LGR6: variants seen among roughly 807,000 people sequenced by gnomAD.
The protein encoded by LGR6 is leucine-rich repeat-containing G protein-coupled receptor 6.
In LGR6, 45 loss-of-function variants were observed where a neutral mutation model predicts 69.4. The ratio of observed to expected loss-of-function variants is 0.65; its 90% CI spans 0.51 to 0.83. LGR6 has a LOEUF of 0.83. Among genes scored for constraint, LGR6 ranks in the 40% least tolerant of loss-of-function variants. LGR6 has a pLI of 0.00. For missense variants in LGR6, 1,108 were observed against 1,246.7 expected, an observed-to-expected ratio of 0.89 and a Z score of 1.68; for synonymous variants, 538 against 555.0, an observed-to-expected ratio of 0.97 and a Z score of 0.43.
Position 202,312,845 on chromosome 1 carries a change from C to G in LGR6, c.1568-1957C>G, listed in dbSNP as rs570289657. Among the ~76,000 whole-genome samples, 32 of 152,164 alleles carry G rather than the reference C, an allele frequency of 2.1e-4. 1 individual carries two copies. Among genetic ancestry groups the G allele is most frequent in the African/African-American group, 7.0e-4 (29 of 41,492 alleles). The stretch of plus-strand genomic sequence containing the variant: ...TGTTCTAGATTCTCATTTCAAAATT[C>G]GTATAGAATTTGTGGACCTCCAGCA... On this transcript the variant is annotated intron_variant, in intron 16 of 17. Transcript: ENST00000367278.
At chr1:202,248,299 G>A (rs1424615456) in intron 4 of LGR6, among the ~76,000 whole-genome samples, 7 of 152,334 alleles carry the variant, frequency 4.6e-5, no homozygotes, top group African/African-American at 1.4e-4. Flanking sequence ...GTGTCGCCCA[G>A]TGAATCAGTG....
intron 1 of LGR6, among the ~76,000 whole-genome samples, chr1:202,213,446 A>G (rs1465444659): frequency 6.6e-6 from 1 of 152,174 alleles, no homozygotes; most frequent in Admixed American, 6.5e-5. Context: ...GCCAGAGATC[A>G]GAAGATCAAA....
chr1:202,247,771 G>T (rs757408912), intron 4 of LGR6, among the ~76,000 whole-genome samples: 34 of 152,164 alleles, frequency 2.2e-4, no homozygotes, highest in Non-Finnish European at 4.0e-4. Context: ...AGTGTATGAC[G>T]ATCTCACTCT....
At chr1:202,287,940 A>T (rs932310398) in intron 6 of LGR6, among the ~76,000 whole-genome samples, 2 of 152,078 alleles carry the variant, frequency 1.3e-5, no homozygotes, top group African/African-American at 4.8e-5. Flanking sequence ...CTATTTTAAT[A>T]TACAAATCAG....
chr1:202,293,503 G>T (rs1666940069), intron 6 of LGR6, among the ~76,000 whole-genome samples: 2 of 147,300 alleles, frequency 1.4e-5, no homozygotes, highest in African/African-American at 5.0e-5. Context: ...ATAGGAGTGG[G>T]TTTTTTTTTT....
chr1:202,205,871 AC>A (rs1433271762), intron 1 of LGR6, among the ~76,000 whole-genome samples: 1 of 147,906 alleles, frequency 6.8e-6, no homozygotes, highest in African/African-American at 2.5e-5. Context: ...CTTCAAACAC[AC>A]ACCCGTCCTT....
At chr1:202,262,899 G>A (rs190053584) in intron 4 of LGR6, among the ~76,000 whole-genome samples, 125 of 151,934 alleles carry the variant, frequency 8.2e-4, no homozygotes, top group Non-Finnish European at 1.5e-3. Flanking sequence ...ATCTCACCTA[G>A]TTCCATTTAC....
chr1:202,204,586 TCCTTCAAACACACACA>T (rs1222250686), intron 1 of LGR6, among the ~76,000 whole-genome samples: 78 of 76,400 alleles, frequency 1.0e-3, no homozygotes, highest in Non-Finnish European at 1.6e-3. Flanking sequence ...AACACACACC[TCCTTCAAACACACACA>T]CCTCCAAACA....
intron 6 of LGR6, among the ~76,000 whole-genome samples, chr1:202,281,758 C>T (rs1666023056): frequency 6.6e-6 from 1 of 152,002 alleles, no homozygotes; most frequent in Non-Finnish European, 1.5e-5. Context: ...CCACTTGCTC[C>T]ACCTTGCCCT....
intron 6 of LGR6, chr1:202,281,092 G>T (rs1302393225): frequency 2.1e-6 from 1 of 477,402 alleles, no homozygotes; most frequent in Non-Finnish European, 3.7e-6. Flanking sequence ...GGCCCAGGGA[G>T]TAGGAACCTG....
intron 6 of LGR6, among the ~76,000 whole-genome samples, chr1:202,283,218 C>G (rs368397944): frequency 3.9e-5 from 6 of 152,156 alleles, no homozygotes; most frequent in Non-Finnish European, 8.8e-5. Context: ...AACAATACCC[C>G]CTTCTTCCTG....
At chr1:202,225,074 A>G (rs1660416820) in intron 1 of LGR6, among the ~76,000 whole-genome samples, 2 of 152,182 alleles carry the variant, frequency 1.3e-5, no homozygotes, top group Non-Finnish European at 2.9e-5. Context: ...CTGAAATTCT[A>G]TGAATTTTAC....
chr1:202,254,916 G>A (rs938226798), intron 4 of LGR6, among the ~76,000 whole-genome samples: 1 of 151,538 alleles, frequency 6.6e-6, no homozygotes, highest in Non-Finnish European at 1.5e-5. Flanking sequence ...AAAAAAAAAA[G>A]GAAAGAGAAA....
intron 6 of LGR6, among the ~76,000 whole-genome samples, chr1:202,295,379 T>C (rs1326726477): frequency 6.6e-6 from 1 of 150,676 alleles, no homozygotes; most frequent in Non-Finnish European, 1.5e-5. Flanking sequence ...TTCCATGTCA[T>C]TTATGGGAAA....
At chr1:202,281,757 C>G (rs747326427) in intron 6 of LGR6, among the ~76,000 whole-genome samples, 2 of 152,006 alleles carry the variant, frequency 1.3e-5, no homozygotes, top group Non-Finnish European at 2.9e-5. Flanking sequence ...CCCACTTGCT[C>G]CACCTTGCCC....
Position 202,319,357 on chromosome 1 carries a change from CT to C in LGR6, c.*151del, listed in dbSNP as rs1654452233. ...GTCCCTGGCTCCACTGATCACCTCT[CT>C]CCTGTGACCATCACCAACGGGTGCC... On this transcript the variant is annotated 3_prime_UTR_variant, in exon 18 of 18. Transcript: ENST00000367278. The C allele has an allele frequency of 2.4e-6, 2 of 831,362 alleles. No individual in the cohort carries two copies. Among genetic ancestry groups the C allele is most frequent in the Non-Finnish European group, 1.8e-6 (1 of 561,592 alleles). The allele number at this position is 831,362 out of a possible 1,614,324, so 51.5% of individuals were successfully genotyped here. A position where few individuals can be genotyped will look rare whatever the true frequency, so the allele number is the denominator to read the frequency against.
At position 202,305,725 on chromosome 1, in the gene LGR6, A is replaced by G. The variant is rs755922084; in HGVS notation, c.1112A>G (p.His371Arg). ...CAAATTGAGGAGCTGCCCAGCCTGC[A>G]CAGGTGTCAGAAATTGGAGGAAATG... ...HNQIEELPSLHRCQKLEEIGL... is the reference protein window; with the variant it reads ...HNQIEELPSLRRCQKLEEIGL... Residue 371 changes from histidine (H) to arginine (R), a missense_variant, in exon 12 of 18, where the codon CAC becomes CGC. Coordinates refer to ENST00000367278, the MANE Select transcript of LGR6 (RefSeq NM_001017403.2). The G allele has an allele frequency of 6.2e-7, 1 of 1,614,120 alleles. No homozygotes were observed. Among genetic ancestry groups the G allele is most frequent in the East Asian group, 2.2e-5 (1 of 44,884 alleles).
intron 3 of LGR6, among the ~76,000 whole-genome samples, chr1:202,230,404 A>G (rs1456941662): frequency 1.3e-5 from 2 of 152,148 alleles, no homozygotes; most frequent in Non-Finnish European, 2.9e-5. Flanking sequence ...TCAGTCTCAC[A>G]TCGCTATCTC....
intron 4 of LGR6, among the ~76,000 whole-genome samples, chr1:202,248,033 T>G (rs1662884457): frequency 1.3e-5 from 2 of 152,190 alleles, no homozygotes; most frequent in Admixed American, 6.5e-5. Flanking sequence ...TTCCATCTGT[T>G]TATGAGCTGT....
Sources: gnomAD v4.1 joint callset for allele counts (sites outside exome capture counted in the v4.1 genomes callset) on GRCh38, gnomAD v4.1.1 for gene constraint, MANE v1.5 for transcripts, NCBI Gene and HGNC (gene_info 2026-07-23, HGNC 2026-07-21) for gene names.